TGM5: variants seen among roughly 807,000 people sequenced by gnomAD.
The protein encoded by TGM5 is protein-glutamine gamma-glutamyltransferase 5.
In TGM5, 69 loss-of-function variants were observed where a neutral mutation model predicts 77.2. The ratio of observed to expected loss-of-function variants is 0.89; its 90% CI spans 0.74 to 1.09. The LOEUF (loss-of-function observed/expected upper bound fraction) is 1.09. Ranked by LOEUF, TGM5 falls within the 50% of genes least tolerant of loss-of-function variation. The probability of loss-of-function intolerance (pLI) is 0.00; values close to 1 mark genes in which losing one functional copy is unlikely to be tolerated. For synonymous variants in TGM5, 346 were observed against 351.8 expected (o/e 0.98, Z 0.18); for missense variants, 842 against 896.5 (o/e 0.94, Z 0.78).
At chr15:43,244,765 G>A (rs1431682484) in intron 6 of TGM5, among the ~76,000 whole-genome samples, 1 of 152,168 alleles carries the variant, frequency 6.6e-6, no homozygotes, top group African/African-American at 2.4e-5. Context: ...TCCTAATGGT[G>A]TATTAAAATG....
At chr15:43,248,217 A>C (rs2042681528) in intron 6 of TGM5, among the ~76,000 whole-genome samples, 1 of 152,184 alleles carries the variant, frequency 6.6e-6, no homozygotes, top group South Asian at 2.1e-4. Flanking sequence ...TTGCTCTGTC[A>C]CCCAGGCTGG....
chr15:43,256,946 A>AT (rs2042746336), intron 3 of TGM5, among the ~76,000 whole-genome samples: 1 of 152,192 alleles, frequency 6.6e-6, no homozygotes, highest in Non-Finnish European at 1.5e-5. Flanking sequence ...TCCTATCCCC[A>AT]TTTTAAGGTT....
At chr15:43,254,610 C>A (rs958898321) in intron 4 of TGM5, among the ~76,000 whole-genome samples, 1 of 152,168 alleles carries the variant, frequency 6.6e-6, no homozygotes, top group Non-Finnish European at 1.5e-5. Context: ...CTGGCCCCAA[C>A]CTACCTCTCC....
At chr15:43,251,515 C>A (rs1385336335) in intron 6 of TGM5, among the ~76,000 whole-genome samples, 1 of 152,188 alleles carries the variant, frequency 6.6e-6, no homozygotes, top group Non-Finnish European at 1.5e-5. Context: ...AAGCTATGGG[C>A]AGATCTGGTA....
intron 6 of TGM5, among the ~76,000 whole-genome samples, chr15:43,248,466 C>T (rs555375845): frequency 6.6e-6 from 1 of 152,310 alleles, no homozygotes; most frequent in South Asian, 2.1e-4. Context: ...GCCACTGCAC[C>T]TGGCCGAAAC....
At chr15:43,257,386 G>A (rs1311731976) in intron 3 of TGM5, among the ~76,000 whole-genome samples, 3 of 152,312 alleles carry the variant, frequency 2.0e-5, no homozygotes, top group South Asian at 4.1e-4. Context: ...TATGAACAAT[G>A]TTTACAGCAT....
In TGM5 at chr15:43,264,210, T is replaced by G. The variant is rs528886590; in HGVS notation, c.10+2630A>C. ...GGGGTTGTAAAATGGTGCAGCACTTTGGAAAACAGTCTGGAAGTTCCTCAA... is the reference window on the plus strand; with the variant it reads ...GGGGTTGTAAAATGGTGCAGCACTTGGGAAAACAGTCTGGAAGTTCCTCAA... On this transcript the variant is annotated intron_variant, in intron 1 of 12. Transcript: ENST00000220420. 2.0e-5 allele frequency among the ~76,000 whole-genome samples: 3 copies of G among 152,300 alleles called. No individual in the cohort carries two copies. The East Asian group carries it at 5.8e-4, about 29-fold the overall frequency.
intron 6 of TGM5, among the ~76,000 whole-genome samples, chr15:43,249,335 C>T (rs1475909528): frequency 3.3e-5 from 5 of 152,224 alleles, no homozygotes; most frequent in Non-Finnish European, 5.9e-5. Context: ...GTTTGTAATA[C>T]AGTCACAGGT....
In TGM5 at chr15:43,239,822, A is replaced by G. The variant is rs115694249; in HGVS notation, c.1002-556T>C. ...GTTAAAAATCCTTCACTGTCTCATG[A>G]AACAGTCTTTGTGGCCCCTTTGTGT... On this transcript the variant is annotated intron_variant, in intron 7 of 12. Coordinates refer to ENST00000220420, the MANE Select transcript of TGM5 (RefSeq NM_201631.4). The G allele has an allele frequency of 4.8e-3, 820 of 170,694 alleles. 7 individuals carry two copies. The highest frequency in any genetic ancestry group is 0.019 in the African/African-American group (778 of 41,708). 10.6% of individuals were successfully genotyped at this position (170,694 alleles called of 1,614,324 possible).
At chr15:43,239,494 CA>C in intron 7 of TGM5, 2 of 467,072 alleles carry the variant, frequency 4.3e-6, no homozygotes, top group Non-Finnish European at 7.6e-6. Flanking sequence ...TTAACCTGGG[CA>C]AAAAAGGAAG....
chr15:43,261,488 G>A (rs942178330), intron 1 of TGM5, among the ~76,000 whole-genome samples: 1 of 152,160 alleles, frequency 6.6e-6, no homozygotes, highest in Non-Finnish European at 1.5e-5. Flanking sequence ...GTCAAAGAAA[G>A]TTTCATTCCC....
intron 4 of TGM5, among the ~76,000 whole-genome samples, chr15:43,253,948 A>C (rs923560853): frequency 1.4e-5 from 2 of 146,818 alleles, no homozygotes; most frequent in Non-Finnish European, 3.0e-5. Flanking sequence ...CTCTCCTCTC[A>C]GTTCCCACAC....
At chr15:43,256,135 A>G (rs888841263) in intron 4 of TGM5, among the ~76,000 whole-genome samples, 5 of 152,184 alleles carry the variant, frequency 3.3e-5, no homozygotes, top group African/African-American at 1.2e-4. Context: ...TTCAGGGGAC[A>G]AGTTGTCCTT....
At chr15:43,248,597 TA>T (rs2042684134) in intron 6 of TGM5, among the ~76,000 whole-genome samples, 1 of 152,236 alleles carries the variant, frequency 6.6e-6, no homozygotes, top group South Asian at 2.1e-4. Context: ...TCTTTCTATC[TA>T]CTCTCCATGT....
chr15:43,235,009 A>G (rs1242313793), intron 10 of TGM5, 80 bp from the exon 11 acceptor site: 2 of 1,527,202 alleles, frequency 1.3e-6, no homozygotes, highest in Admixed American at 3.5e-5. Flanking sequence ...TCTCTCTTCC[A>G]CAGAGAAGAG....
At chr15:43,238,678 C>T in intron 9 of TGM5, 139 bp downstream of exon 9, 1 of 1,364,332 alleles carries the variant, frequency 7.3e-7, no homozygotes, top group Non-Finnish European at 1.0e-6. Context: ...GTGAGGCCAC[C>T]CCAACTGGGG....
rs1181428102 is a variant in TGM5 at position 43,240,968 on chromosome 15, A to G, written c.885T>C (p.Pro295=). The G allele has an allele frequency of 1.2e-6, 2 of 1,614,164 alleles. No individual in the cohort carries two copies. The highest frequency in any genetic ancestry group is 3.3e-5 in the Admixed American group (2 of 60,024). ...MCTVMRCLGI[P]TRVITNFDSG... is the part of the protein sequence containing the mutation. ...AGTCGAAGTTGGTGATCACACGGGT[A>G]GGGATCCCCAGACACCTCATCACTG... is the stretch of plus-strand genomic sequence containing the variant. The change falls in exon 7 of 13, where the codon CCT becomes CCC. Residue 295 remains proline (P), a synonymous_variant. Coordinates refer to ENST00000220420, the MANE Select transcript of TGM5 (RefSeq NM_201631.4).
Position 43,240,750 on chromosome 15 carries a change from G to A in TGM5, c.1001+102C>T, listed in dbSNP as rs2042629426. On this transcript the variant is annotated intron_variant, in intron 7 of 12. Coordinates refer to ENST00000220420, the MANE Select transcript of TGM5 (RefSeq NM_201631.4). ...GGTGAGGGGGTGTGGAGGAGGTGAA[G>A]GGGAGGGACCAGGCTCATGGACCTC... The A allele has an allele frequency of 4.6e-6, 7 of 1,511,806 alleles. No homozygotes were observed. The Admixed American group carries it at 1.0e-4, about 22-fold the overall frequency. 93.6% of individuals were successfully genotyped at this position (1,511,806 alleles called of 1,614,324 possible).
intron 12 of TGM5, 55 bp downstream of exon 12, chr15:43,233,499 A>G: frequency 6.2e-7 from 1 of 1,613,788 alleles, no homozygotes; most frequent in South Asian, 1.1e-5. Context: ...CAGGAAGGAT[A>G]GTGCTAATCT....
Sources: gnomAD v4.1 joint callset for allele counts (sites outside exome capture counted in the v4.1 genomes callset) on GRCh38, gnomAD v4.1.1 for gene constraint, MANE v1.5 for transcripts, NCBI Gene and HGNC (gene_info 2026-07-23, HGNC 2026-07-21) for gene names.